Variants in KATNIP observed in about 807,000 individuals in gnomAD.
KATNIP encodes the protein katanin interacting protein.
Under a neutral mutation model 174.0 loss-of-function variants are expected in KATNIP, and 126 were observed. The observed-to-expected ratio is 0.72, with a 90% CI of 0.63 to 0.84. The LOEUF (loss-of-function observed/expected upper bound fraction) is 0.84. KATNIP is among the 40% of genes least tolerant of loss of function. The pLI, the probability that KATNIP is intolerant of heterozygous loss-of-function variation, is 0.00. For synonymous variants in KATNIP, 810 were observed against 835.7 expected, an observed-to-expected ratio of 0.97 and a Z score of 0.53; for missense variants, 1,958 against 2,109.7, an observed-to-expected ratio of 0.93 and a Z score of 1.41.
rs201957707 is a variant in KATNIP at position 27,740,203 on chromosome 16, C to T, written c.1906C>T (p.His636Tyr). ...GCAACTAGAGGAGGCCATGAACGCT[C>T]ACTCGGAAGAAAGCAAAGGCACCCA... The part of the protein sequence containing the change: ...SEQLEEAMNA[H>Y]SEESKGTHEM... The change falls in exon 15 of 28, where the codon CAC becomes TAC. Residue 636 changes from histidine (H) to tyrosine (Y), a missense_variant. His to Tyr is a moderately conservative substitution (Grantham distance 83, BLOSUM62 2). Coordinates refer to ENST00000261588, the MANE Select transcript of KATNIP (RefSeq NM_015202.5). The T allele has an allele frequency of 2.0e-5, 33 of 1,614,190 alleles. No homozygotes were observed. Among genetic ancestry groups the T allele is most frequent in the South Asian group, 1.5e-4 (14 of 91,068 alleles).
chr16:27,585,722 C>T (rs2090870677), intron 2 of KATNIP, among the ~76,000 whole-genome samples: 1 of 152,164 alleles, frequency 6.6e-6, no homozygotes, highest in African/African-American at 2.4e-5. Context: ...AAAAATTAAA[C>T]TCATGGACAT....
intron 6 of KATNIP, among the ~76,000 whole-genome samples, chr16:27,676,921 C>T (rs2142750217): frequency 6.6e-6 from 1 of 152,292 alleles, no homozygotes; most frequent in East Asian, 1.9e-4. Flanking sequence ...GTCCTTTTGC[C>T]TCGGCCTCCC....
chr16:27,592,551 G>T, intron 2 of KATNIP, among the ~76,000 whole-genome samples: 1 of 152,016 alleles, frequency 6.6e-6, no homozygotes, highest in Non-Finnish European at 1.5e-5. Context: ...CCAGGATGTC[G>T]AGACTGCAGT....
chr16:27,623,910 A>T (rs141959163), intron 3 of KATNIP, among the ~76,000 whole-genome samples: 1 of 149,402 alleles, frequency 6.7e-6, no homozygotes, highest in African/African-American at 2.5e-5. Flanking sequence ...AAGGGTCCTC[A>T]TTGCCAGAGG....
intron 6 of KATNIP, 117 bp downstream of exon 6, chr16:27,648,852 G>A (rs751792222): frequency 2.7e-4 from 320 of 1,192,842 alleles, no homozygotes; most frequent in Non-Finnish European, 3.5e-4. Flanking sequence ...ACTCGCCGCT[G>A]TGTTCCTTCA....
chr16:27,731,735 C>T (rs908994279), intron 14 of KATNIP, among the ~76,000 whole-genome samples: 3 of 152,078 alleles, frequency 2.0e-5, no homozygotes, highest in Non-Finnish European at 4.4e-5. Context: ...TCTCCTGCCT[C>T]AGCCTCCCAA....
chr16:27,679,091 G>T (rs2078230754), intron 7 of KATNIP: 1 of 152,290 alleles, frequency 6.6e-6, no homozygotes. Context: ...TAAGGAAAGA[G>T]AAATGAGGGA....
chr16:27,766,714 G>A (rs2082138421), intron 20 of KATNIP, among the ~76,000 whole-genome samples: 1 of 152,208 alleles, frequency 6.6e-6, no homozygotes, highest in South Asian at 2.1e-4. Flanking sequence ...GGTGCTGGGG[G>A]GTCCTAGGCA....
chr16:27,716,846 G>A lies in KATNIP; in HGVS notation c.1606-4712G>A, dbSNP rs529309050. ...ACGTAAATGGAATCATACCATTTACGTAGCATTTTTTTTTTTGAGACGAAG... is the reference window on the plus strand; with the variant it reads ...ACGTAAATGGAATCATACCATTTACATAGCATTTTTTTTTTTGAGACGAAG... On this transcript the variant is annotated intron_variant, in intron 13 of 27. Coordinates refer to ENST00000261588, the MANE Select transcript of KATNIP (RefSeq NM_015202.5). Among the ~76,000 whole-genome samples, 14 of 146,766 alleles carry A rather than the reference G, an allele frequency of 9.5e-5. No individual in the cohort carries two copies. The East Asian group carries it at 1.5e-3, about 16-fold the overall frequency.
At chr16:27,573,356 C>T (rs941200650) in intron 1 of KATNIP, among the ~76,000 whole-genome samples, 2 of 152,234 alleles carry the variant, frequency 1.3e-5, no homozygotes, top group Non-Finnish European at 2.9e-5. Flanking sequence ...AATTTATGCA[C>T]ACCTTCAAAT....
At chr16:27,566,864 C>A (rs536388427) in intron 1 of KATNIP, among the ~76,000 whole-genome samples, 1 of 152,208 alleles carries the variant, frequency 6.6e-6, no homozygotes, top group Non-Finnish European at 1.5e-5. Context: ...GAAATCAGAT[C>A]GTCAGACAAC....
intron 1 of KATNIP, among the ~76,000 whole-genome samples, chr16:27,569,320 T>C (rs528682661): frequency 7.9e-5 from 12 of 152,310 alleles, no homozygotes; most frequent in African/African-American, 2.6e-4. Flanking sequence ...TGAAAACGAA[T>C]CCTATGTGCA....
chr16:27,723,957 C>T (rs578192017), intron 14 of KATNIP, among the ~76,000 whole-genome samples: 3 of 152,332 alleles, frequency 2.0e-5, no homozygotes, highest in South Asian at 2.1e-4. Context: ...GACAGGCAGC[C>T]CCGGCCAGCT....
At chr16:27,645,088 G>A (rs1597043791) in intron 5 of KATNIP, among the ~76,000 whole-genome samples, 2 of 152,286 alleles carry the variant, frequency 1.3e-5, no homozygotes, top group South Asian at 2.1e-4. Context: ...CTGTGGCCTT[G>A]GAGCAGGTGG....
intron 6 of KATNIP, among the ~76,000 whole-genome samples, chr16:27,661,631 G>A (rs2077477164): frequency 6.6e-6 from 1 of 151,758 alleles, no homozygotes; most frequent in Non-Finnish European, 1.5e-5. Context: ...GACCTCAGGT[G>A]ATCCACCCAC....
intron 5 of KATNIP, among the ~76,000 whole-genome samples, chr16:27,639,140 C>G (rs550498940): frequency 1.3e-5 from 2 of 152,318 alleles, no homozygotes; most frequent in Admixed American, 1.3e-4. Flanking sequence ...CACTGGCCTC[C>G]AGATCCCTTG....
chr16:27,651,833 C>G (rs1407462507), intron 6 of KATNIP, among the ~76,000 whole-genome samples: 1 of 152,220 alleles, frequency 6.6e-6, no homozygotes, highest in Non-Finnish European at 1.5e-5. Flanking sequence ...GATTCTCCAG[C>G]CTCTGCCTCC....
chr16:27,761,420 G>A lies in KATNIP; in HGVS notation c.3639G>A (p.Gln1213=). 2 of 1,607,668 alleles carry A rather than the reference G, an allele frequency of 1.2e-6. No homozygotes were observed. The highest frequency in any genetic ancestry group is 1.7e-6 in the Non-Finnish European group (2 of 1,176,454). ...CTTCTCTTCCTGTTGCAGGCCTTCA[G>A]CTGAATTTCACTGCCTCCTGGGGAG... ...EPGIYHGICL[Q]LNFTASWGDL... is the part of the protein sequence containing the mutation. Residue 1213 remains glutamine (Q), a synonymous_variant, in exon 19 of 28, where the codon CAG becomes CAA. Coordinates refer to ENST00000261588, the MANE Select transcript of KATNIP (RefSeq NM_015202.5).
At chr16:27,665,831 C>T (rs1597108546) in intron 6 of KATNIP, among the ~76,000 whole-genome samples, 2 of 152,134 alleles carry the variant, frequency 1.3e-5, no homozygotes, top group Non-Finnish European at 1.5e-5. Flanking sequence ...GAACTGCTGG[C>T]CTCAGGTGAT....
Sources: gnomAD v4.1 joint callset for allele counts (sites outside exome capture counted in the v4.1 genomes callset) on GRCh38, gnomAD v4.1.1 for gene constraint, MANE v1.5 for transcripts, NCBI Gene and HGNC (gene_info 2026-07-23, HGNC 2026-07-21) for gene names.